Variants in ZSCAN5A observed in about 807,000 individuals in gnomAD.
ZSCAN5A encodes the protein zinc finger and SCAN domain containing 5A, also known as zinc finger and SCAN domain-containing protein 5A.
ZSCAN5A carries 12 observed loss-of-function variants against 23.7 expected under a neutral mutation model. The observed-to-expected ratio is 0.51, with a 90% CI of 0.32 to 0.82. The LOEUF (loss-of-function observed/expected upper bound fraction) is 0.82. Ranked by LOEUF, ZSCAN5A falls within the 40% of genes least tolerant of loss-of-function variation. The probability of loss-of-function intolerance (pLI) is 0.03; values close to 1 mark genes in which losing one functional copy is unlikely to be tolerated. For synonymous variants in ZSCAN5A, 257 were observed against 239.9 expected (o/e 1.07, Z -0.66); for missense variants, 597 against 617.9 (o/e 0.97, Z 0.36).
intron 2 of ZSCAN5A, among the ~76,000 whole-genome samples, chr19:56,226,827 G>A (rs1204631476): frequency 6.6e-6 from 1 of 152,032 alleles, no homozygotes; most frequent in East Asian, 1.9e-4. Context: ...TCATATCCTG[G>A]GTGATGGGTA....
At chr19:56,360,307 A>G (rs2869164) in intron 2 of ZSCAN5A, among the ~76,000 whole-genome samples, 16,236 of 152,186 alleles carry the variant, frequency 0.11, 1,245 homozygotes, top group East Asian at 0.35. Context: ...CAAATCATGA[A>G]TAAATTCTCA....
chr19:56,240,566 G>A (rs1235170688), intron 2 of ZSCAN5A, among the ~76,000 whole-genome samples: 2 of 152,178 alleles, frequency 1.3e-5, no homozygotes, highest in Non-Finnish European at 2.9e-5. Context: ...TGTCTGTGGG[G>A]TTTAGGAGCT....
chr19:56,328,397 G>A (rs2041456172), intron 2 of ZSCAN5A, among the ~76,000 whole-genome samples: 1 of 151,932 alleles, frequency 6.6e-6, no homozygotes, highest in Non-Finnish European at 1.5e-5. Flanking sequence ...TGTGATCCCA[G>A]CACTTTGGGA....
chr19:56,221,585 G>C lies in ZSCAN5A; in HGVS notation c.1481C>G (p.Thr494Ser). The C allele has an allele frequency of 6.3e-7, 1 of 1,597,182 alleles. No individual in the cohort carries two copies. The highest frequency in any genetic ancestry group is 1.1e-5 in the South Asian group (1 of 89,046). Residue 494 changes from threonine to serine, a missense_variant, in exon 6 of 6, where the codon ACT (threonine) becomes AGT (serine). By Grantham distance (58) the Thr-to-Ser change is moderately conservative. This residue lies in a region of ZSCAN5A where 87 missense variants were observed against 74.4 expected (regional missense o/e 1.17). Transcript: ENST00000683990. ...RRHQKTHPEA[T>S]SQ Reference sequence around the variant, plus strand: ...GACCGGATTATGCAATCACTGAGAAGTAGCTTCTGGATGTGTTTTCTGGTG... The same window carrying C: ...GACCGGATTATGCAATCACTGAGAACTAGCTTCTGGATGTGTTTTCTGGTG...
chr19:56,228,760 T>C (rs1045624858), intron 2 of ZSCAN5A, among the ~76,000 whole-genome samples: 3 of 152,208 alleles, frequency 2.0e-5, no homozygotes, highest in Non-Finnish European at 2.9e-5. Context: ...AATTTTTTAC[T>C]GAAAAAAAGA....
intron 2 of ZSCAN5A, among the ~76,000 whole-genome samples, chr19:56,240,173 A>AAAG (rs1479594661): frequency 2.1e-5 from 3 of 141,302 alleles, no homozygotes; most frequent in Non-Finnish European, 3.2e-5. Flanking sequence ...AAAAAAACCA[A>AAAG]AAGAAGAAAA....
rs773533351 is a variant in ZSCAN5A at position 56,294,837 on chromosome 19, G to A, written c.-128+18446C>T. On this transcript the variant is annotated intron_variant, in intron 2 of 5. Transcript: ENST00000683990. ...TGCTGACACAGGACACAACATAAAC[G>A]CGCCTTGAAAACACAGTGCTCAGTC... Among the ~76,000 whole-genome samples the A allele has an allele frequency of 7.9e-5, 12 of 152,290 alleles. 1 individual carries two copies. The highest frequency in any genetic ancestry group is 4.2e-4 in the South Asian group (2 of 4,818).
chr19:56,247,047 A>C, intron 2 of ZSCAN5A: 1 of 825,308 alleles, frequency 1.2e-6, no homozygotes, highest in East Asian at 2.4e-5. Context: ...AAGCCAAGGA[A>C]CTGCTGCCCT....
At chr19:56,364,307 T>A (rs1269920016) in intron 1 of ZSCAN5A, among the ~76,000 whole-genome samples, 1 of 152,256 alleles carries the variant, frequency 6.6e-6, no homozygotes, top group Non-Finnish European at 1.5e-5. Flanking sequence ...CTTATGTTGT[T>A]ACTCAAGAAA....
In ZSCAN5A at chr19:56,366,207, G is replaced by A. The variant is rs375109116; in HGVS notation, c.-522+2002C>T. 2.0e-4 allele frequency among the ~76,000 whole-genome samples: 31 copies of A among 152,226 alleles called. No individual in the cohort carries two copies. In the East Asian group the frequency reaches 5.6e-3, roughly 28 times the overall value. On this transcript the variant is annotated intron_variant, in intron 1 of 6. Transcript: ENST00000587340. ...GATAAGAGACTGAAACCTTTGGGAG[G>A]CCGAGGCGGGCGGATCACGAGGTCA...
rs939593600 is a variant in ZSCAN5A, at chr19:56,322,427, C to A, written c.-357-6159G>T. The A allele has an allele frequency of 6.7e-6, 4 of 593,296 alleles. No homozygotes were observed. The Admixed American group carries it at 8.1e-5, about 12-fold the overall frequency. 36.8% of individuals were successfully genotyped at this position (593,296 alleles called of 1,614,324 possible). A position where few individuals can be genotyped will look rare whatever the true frequency, so the allele number is the denominator to read the frequency against. On this transcript the variant is annotated intron_variant, in intron 2 of 6. Transcript: ENST00000587340. ...AATTTGTCCAGGAGGCGGGCGACCC[C>A]GCAACCCCACCATCAGAGCTCAGAG... is the stretch of plus-strand genomic sequence containing the variant.
chr19:56,319,657 A>C (rs2041354530), upstream of ZSCAN5A: 1 of 561,762 alleles, frequency 1.8e-6, no homozygotes, highest in East Asian at 2.8e-5. Context: ...AGATATGCTC[A>C]AAAGAAGAAA....
intron 2 of ZSCAN5A, among the ~76,000 whole-genome samples, chr19:56,267,371 CCT>C (rs1470271622): frequency 6.6e-6 from 1 of 151,630 alleles, no homozygotes; most frequent in Admixed American, 6.6e-5. Context: ...TCATAGCAAC[CCT>C]GTTAGGTATA....
intron 2 of ZSCAN5A, among the ~76,000 whole-genome samples, chr19:56,258,970 G>A (rs1267908034): frequency 1.3e-5 from 2 of 152,170 alleles, no homozygotes; most frequent in Admixed American, 1.3e-4. Flanking sequence ...ACCTGAGACA[G>A]CATGAGAAGA....
At chr19:56,339,191 T>G (rs547207216) in intron 2 of ZSCAN5A, among the ~76,000 whole-genome samples, 1 of 152,408 alleles carries the variant, frequency 6.6e-6, no homozygotes, top group South Asian at 2.1e-4. Context: ...AGTCTTCTCT[T>G]GCAGATTGAA....
chr19:56,275,528 T>C (rs2038184005), intron 2 of ZSCAN5A, among the ~76,000 whole-genome samples: 6 of 152,170 alleles, frequency 3.9e-5, no homozygotes, highest in Admixed American at 3.9e-4. Flanking sequence ...GCCAGGAGTT[T>C]GAGACCAGCC....
chr19:56,301,104 C>A (rs2040199991), intron 2 of ZSCAN5A, among the ~76,000 whole-genome samples: 1 of 151,996 alleles, frequency 6.6e-6, no homozygotes, highest in African/African-American at 2.4e-5. Context: ...AGAGAGGGTT[C>A]TTGAATCTCG....
intron 2 of ZSCAN5A, among the ~76,000 whole-genome samples, chr19:56,313,012 G>C (rs916669471): frequency 1.3e-5 from 2 of 152,226 alleles, no homozygotes; most frequent in African/African-American, 4.8e-5. Context: ...AAGTGCAGAG[G>C]TCTGGGCTCC....
At chr19:56,334,117 G>T (rs1270589953) in intron 2 of ZSCAN5A, among the ~76,000 whole-genome samples, 1 of 152,164 alleles carries the variant, frequency 6.6e-6, no homozygotes, top group Non-Finnish European at 1.5e-5. Context: ...CCATGTACAG[G>T]CTTCCTGATA....
Sources: allele counts gnomAD v4.1 joint callset (sites outside exome capture counted in the v4.1 genomes callset), GRCh38; gene constraint gnomAD v4.1.1; regional missense constraint gnomAD v4.1.1; transcripts MANE v1.5; gene names NCBI Gene and HGNC (gene_info 2026-07-23, HGNC 2026-07-21).